The following VPS13C variants were observed in gnomAD, a reference collection of about 807,000 sequenced individuals.
VPS13C encodes the protein intermembrane lipid transfer protein VPS13C.
In VPS13C, 358 loss-of-function variants were observed where a neutral mutation model predicts 456.8. The observed-to-expected ratio is 0.78, with a 90% CI of 0.72 to 0.86. VPS13C has a LOEUF of 0.86. Among genes scored for constraint, VPS13C ranks in the 40% least tolerant of loss-of-function variants. The pLI is 0.00. For synonymous variants in VPS13C, 1,578 were observed against 1,486.7 expected, an observed-to-expected ratio of 1.06 and a Z score of -1.41; for missense variants, 4,818 against 4,385.4, an observed-to-expected ratio of 1.10 and a Z score of -2.79.
intron 23 of VPS13C, among the ~76,000 whole-genome samples, chr15:61,978,013 T>A (rs1193395454): frequency 3.3e-5 from 5 of 152,144 alleles, no homozygotes; most frequent in African/African-American, 1.2e-4. Context: ...TGATCAAGGA[T>A]AATTAATAAA....
chr15:61,890,393 C>A lies in VPS13C; in HGVS notation c.9113G>T (p.Cys3038Phe). 6.2e-7 allele frequency: 1 copy of A among 1,613,698 alleles called. No homozygotes were observed. The highest frequency in any genetic ancestry group is 8.5e-7 in the Non-Finnish European group (1 of 1,179,724). ...VGEHDLLKDG[C>F]GQFPYDANIQ... ...GTTTGCATCATATGGAAACTGTCCA[C>A]ATCCATCCTGGGAAGAAGAAAGACT... Residue 3038 changes from cysteine (C) to phenylalanine (F), a missense_variant, in exon 67 of 85, where the codon TGT becomes TTT. Physicochemically the swap from Cys to Phe is radical, Grantham distance 205. Around this residue, in one of 3 missense-constraint regions of VPS13C, gnomAD observed 4,552 missense variants for 4,130.6 expected, o/e 1.10. Coordinates refer to ENST00000644861, the MANE Select transcript of VPS13C (RefSeq NM_020821.3).
Position 61,978,737 on chromosome 15 carries a change from C to A in VPS13C, c.2179G>T (p.Asp727Tyr). Reference sequence around the variant, plus strand: ...TTAGTAGTCTTCTGTAAACCTTGATCTTTACTGTTGAGCTAAAATGAAGGA... The same window carrying A: ...TTAGTAGTCTTCTGTAAACCTTGATATTTACTGTTGAGCTAAAATGAAGGA... ...DFGTFQLNSK[D>Y]QGLQKTTNSS... The change falls in exon 23 of 85, where the codon GAT becomes TAT. Residue 727 changes from aspartate to tyrosine, a missense_variant. By Grantham distance (160) the Asp-to-Tyr change is radical. Around this residue, in one of 3 missense-constraint regions of VPS13C, gnomAD observed 4,552 missense variants for 4,130.6 expected, o/e 1.10. Transcript: ENST00000644861. 1 of 1,602,282 alleles carries A rather than the reference C, an allele frequency of 6.2e-7. No individual in the cohort carries two copies. Among genetic ancestry groups the A allele is most frequent in the Middle Eastern group, 1.7e-4 (1 of 5,912 alleles).
intron 73 of VPS13C, among the ~76,000 whole-genome samples, chr15:61,879,019 C>T (rs1895667200): frequency 6.6e-6 from 1 of 152,054 alleles, no homozygotes; most frequent in South Asian, 2.1e-4. Flanking sequence ...GGGAAACCGA[C>T]ACACTTTACA....
At chr15:62,025,424 T>C (rs560137263) in intron 6 of VPS13C, among the ~76,000 whole-genome samples, 67 of 152,146 alleles carry the variant, frequency 4.4e-4, no homozygotes, top group Admixed American at 1.3e-3. Flanking sequence ...AAATCAAACA[T>C]ACATAAAAAG....
At chr15:62,052,414 G>A (rs906880698) in intron 1 of VPS13C, among the ~76,000 whole-genome samples, 6 of 151,936 alleles carry the variant, frequency 3.9e-5, no homozygotes, top group African/African-American at 9.7e-5. Flanking sequence ...GGTGACTCAC[G>A]CCTGTAATCC....
chr15:61,877,127 G>A, intron 74 of VPS13C, 73 bp from the exon 75 acceptor site: 2 of 1,164,968 alleles, frequency 1.7e-6, no homozygotes, highest in East Asian at 2.5e-5. Context: ...AAATTTGAAT[G>A]ACAGCTAATG....
At chr15:62,028,467 G>C (rs1567127330) in intron 5 of VPS13C, 47 bp from the exon 6 acceptor site, 2 of 1,567,060 alleles carry the variant, frequency 1.3e-6, no homozygotes, top group South Asian at 2.2e-5. Context: ...GCAATTTAAA[G>C]ACACCTTTAA....
chr15:61,961,625 C>G lies in VPS13C; in HGVS notation c.3872G>C (p.Arg1291Thr). The change falls in exon 35 of 85, where the codon AGA (arginine) becomes ACA (threonine). Residue 1291 changes from arginine (R) to threonine (T), a missense_variant. Physicochemically the swap from Arg to Thr is moderately conservative, Grantham distance 71. Around this residue, in one of 3 missense-constraint regions of VPS13C, gnomAD observed 4,552 missense variants for 4,130.6 expected, o/e 1.10. Coordinates refer to ENST00000644861, the MANE Select transcript of VPS13C (RefSeq NM_020821.3). ...EDYLNPPVID[R>T]MDVQLTKLTL... ...AAGCTTTGTTAGCTGCACATCCATT[C>G]TATCAATTACTGGAGGATTTAAGTA... is the stretch of plus-strand genomic sequence containing the variant. The G allele has an allele frequency of 1.2e-6, 2 of 1,610,678 alleles. No individual in the cohort carries two copies. Among genetic ancestry groups the G allele is most frequent in the Non-Finnish European group, 1.7e-6 (2 of 1,178,156 alleles).
chr15:61,907,937 C>A (rs1202152826), intron 65 of VPS13C, among the ~76,000 whole-genome samples: 1 of 152,062 alleles, frequency 6.6e-6, no homozygotes, highest in Non-Finnish European at 1.5e-5. Flanking sequence ...TTAACAAATA[C>A]AATACTTAAG....
intron 15 of VPS13C, among the ~76,000 whole-genome samples, chr15:62,002,798 T>C (rs2046677531): frequency 1.3e-5 from 2 of 152,228 alleles, no homozygotes; most frequent in Admixed American, 6.5e-5. Context: ...ATTGCTTGTT[T>C]TTGTCAGGTT....
chr15:61,873,137 TA>T (rs1895158053), intron 78 of VPS13C, 108 bp downstream of exon 78: 3 of 1,474,002 alleles, frequency 2.0e-6, no homozygotes, highest in Non-Finnish European at 2.7e-6. Context: ...TCATTCTTTC[TA>T]TTCCTACAGG....
At chr15:61,928,628 A>G (rs576027344) in intron 51 of VPS13C, among the ~76,000 whole-genome samples, 1 of 152,268 alleles carries the variant, frequency 6.6e-6, no homozygotes, top group African/African-American at 2.4e-5. Flanking sequence ...GGTGTAATCC[A>G]CAGCACTTGG....
intron 65 of VPS13C, 57 bp downstream of exon 65, chr15:61,908,935 C>A: frequency 1.9e-6 from 3 of 1,567,970 alleles, no homozygotes; most frequent in South Asian, 1.2e-5. Context: ...CAAAGTGTTT[C>A]CCATTAGTTA....
chr15:62,032,976 T>G (rs2047868459), intron 5 of VPS13C, among the ~76,000 whole-genome samples: 1 of 151,684 alleles, frequency 6.6e-6, no homozygotes, highest in African/African-American at 2.4e-5. Context: ...ATCAAGTTTT[T>G]GGGTTTTTTT....
At chr15:61,957,604 T>C (rs2045049677) in intron 37 of VPS13C, among the ~76,000 whole-genome samples, 1 of 152,088 alleles carries the variant, frequency 6.6e-6, no homozygotes, top group Non-Finnish European at 1.5e-5. Context: ...GTTAGTAAAG[T>C]TCTATGGAGG....
At position 62,044,272 on chromosome 15, in the gene VPS13C, CAAAG is replaced by C. The variant is rs1420367584; in HGVS notation, c.101-21_101-18del. 2.8e-6 allele frequency: 4 copies of C among 1,427,678 alleles called. No individual in the cohort carries two copies. The South Asian group carries it at 4.9e-5, about 18-fold the overall frequency. 88.4% of individuals were successfully genotyped at this position (1,427,678 alleles called of 1,614,324 possible). A position where few individuals can be genotyped will look rare whatever the true frequency, so the allele number is the denominator to read the frequency against. ...CCACATTTCCTTTAAAAAAAGAAAA[CAAAG>C]AAAAATATTACTATAACATACCAAT... On this transcript the variant is annotated intron_variant, in intron 1 of 84. Coordinates refer to ENST00000644861, the MANE Select transcript of VPS13C (RefSeq NM_020821.3).
chr15:61,988,277 A>C (rs2046120465), intron 18 of VPS13C, among the ~76,000 whole-genome samples: 1 of 152,226 alleles, frequency 6.6e-6, no homozygotes, highest in African/African-American at 2.4e-5. Flanking sequence ...TTTGTTGATC[A>C]CCACATAGGT....
chr15:61,969,563 C>T, intron 27 of VPS13C, 111 bp from the exon 28 acceptor site: 3 of 593,310 alleles, frequency 5.1e-6, no homozygotes, highest in Non-Finnish European at 7.6e-6. Flanking sequence ...TAACTTTGCT[C>T]ATATCCTTCT....
chr15:61,892,145 G>A (rs1337594979), intron 66 of VPS13C, among the ~76,000 whole-genome samples: 1 of 152,186 alleles, frequency 6.6e-6, no homozygotes, highest in Non-Finnish European at 1.5e-5. Flanking sequence ...AGTGCTTTAG[G>A]AAGAGAAAAC....
Sources: allele counts gnomAD v4.1 joint callset (sites outside exome capture counted in the v4.1 genomes callset), GRCh38; gene constraint gnomAD v4.1.1; regional missense constraint gnomAD v4.1.1; transcripts MANE v1.5; gene names NCBI Gene and HGNC (gene_info 2026-07-23, HGNC 2026-07-21).